The following PRTFDC1 variants were observed in gnomAD, a reference collection of about 807,000 sequenced individuals.
PRTFDC1 encodes the protein phosphoribosyltransferase domain-containing protein 1.
PRTFDC1 carries 38 observed loss-of-function variants against 34.6 expected under a neutral mutation model. The ratio of observed to expected loss-of-function variants is 1.10; its 90% CI spans 0.85 to 1.44. The LOEUF (loss-of-function observed/expected upper bound fraction) is 1.44. PRTFDC1 is among the 40% of genes most tolerant of loss of function. PRTFDC1 has a pLI of 0.00. For missense variants in PRTFDC1, 270 were observed against 283.0 expected (o/e 0.95, Z 0.33); for synonymous variants, 93 against 98.1 (o/e 0.95, Z 0.31).
intron 3 of PRTFDC1, among the ~76,000 whole-genome samples, chr10:24,904,425 G>T (rs899969283): frequency 6.6e-6 from 1 of 152,166 alleles, no homozygotes; most frequent in African/African-American, 2.4e-5. Context: ...AAAGACATCT[G>T]CACAATCATG....
chr10:24,893,333 G>A (rs1848297389), intron 3 of PRTFDC1, among the ~76,000 whole-genome samples: 1 of 151,204 alleles, frequency 6.6e-6, no homozygotes, highest in Non-Finnish European at 1.5e-5. Flanking sequence ...CTGTTGCCTG[G>A]GCAGGAGTGC....
chr10:24,870,117 TA>T (rs1847848810), intron 4 of PRTFDC1, among the ~76,000 whole-genome samples: 2 of 152,150 alleles, frequency 1.3e-5, no homozygotes, highest in African/African-American at 4.8e-5. Flanking sequence ...TTATTATTAT[TA>T]TTTTTTTAAG....
chr10:24,879,447 G>T (rs113640001), intron 3 of PRTFDC1, among the ~76,000 whole-genome samples: 38 of 152,036 alleles, frequency 2.5e-4, no homozygotes, highest in African/African-American at 8.4e-4. Flanking sequence ...GGGATCAAGC[G>T]ATTCTCCTGC....
At position 24,897,731 on chromosome 10, in the gene PRTFDC1, C is replaced by G. The variant is rs192682198; in HGVS notation, c.340-25668G>C. Among the ~76,000 whole-genome samples the G allele has an allele frequency of 3.9e-5, 6 of 152,278 alleles. No homozygotes were observed. In the East Asian group the frequency reaches 9.7e-4, roughly 25 times the overall value. ...TGTTAAAGAAATATAGTGATAATAT[C>G]TAATATGTGGCAACAACGTGAAAAA... On this transcript the variant is annotated intron_variant, in intron 3 of 8. Coordinates refer to ENST00000320152, the MANE Select transcript of PRTFDC1 (RefSeq NM_020200.7).
chr10:24,938,129 G>A (rs1453889950), intron 2 of PRTFDC1, among the ~76,000 whole-genome samples: 1 of 151,848 alleles, frequency 6.6e-6, no homozygotes, highest in Non-Finnish European at 1.5e-5. Flanking sequence ...GGGAAGCTGA[G>A]GCAGGAGAAT....
rs1221212247 is a variant in PRTFDC1, at chr10:24,929,055, AGAAAGAAAGAAAG to A, written c.339+8116_339+8128del. Among the ~76,000 whole-genome samples the A allele has an allele frequency of 2.3e-4, 24 of 105,072 alleles. 1 individual carries two copies. The highest frequency in any genetic ancestry group is 4.1e-4 in the Non-Finnish European group (20 of 48,630). 68.9% of individuals were successfully genotyped at this position (105,072 alleles called of 152,430 possible). On this transcript the variant is annotated intron_variant, in intron 3 of 8. Coordinates refer to ENST00000320152, the MANE Select transcript of PRTFDC1 (RefSeq NM_020200.7). ...GACTCCGTCTCAAAAAAAAAAAAAA[AGAAAGAAAGAAAG>A]AAAGAAAGGGAGGCTTTCAATTCCA...
At position 24,872,044 on chromosome 10, in the gene PRTFDC1, T is replaced by G; in HGVS notation, c.359A>C (p.Glu120Ala). 1 of 1,611,568 alleles carries G rather than the reference T, an allele frequency of 6.2e-7. No individual in the cohort carries two copies. Among genetic ancestry groups the G allele is most frequent in the Non-Finnish European group, 8.5e-7 (1 of 1,177,966 alleles). Residue 120 changes from glutamate (E) to alanine (A), a missense_variant, in exon 4 of 9, where the codon GAG becomes GCG. By Grantham distance (107) the Glu-to-Ala change is moderately radical. Transcript: ENST00000320152. ...KSYRNDQSMGEMQIIGGDDLS... is the reference protein window; with the variant it reads ...KSYRNDQSMGAMQIIGGDDLS... Reference sequence around the variant, plus strand: ...ATCATCGCCTCCGATTATCTGCATCTCACCCATGGACTGGTCATTCTGCAA... The same window carrying G: ...ATCATCGCCTCCGATTATCTGCATCGCACCCATGGACTGGTCATTCTGCAA...
intron 3 of PRTFDC1, among the ~76,000 whole-genome samples, chr10:24,902,012 T>C (rs1848457297): frequency 6.6e-6 from 1 of 151,956 alleles, no homozygotes; most frequent in Non-Finnish European, 1.5e-5. Flanking sequence ...TGTTAGGAGG[T>C]GGTGGAGAAC....
chr10:24,864,425 CTTGTT>C (rs1216691477), intron 4 of PRTFDC1, among the ~76,000 whole-genome samples: 2 of 152,110 alleles, frequency 1.3e-5, no homozygotes, highest in Non-Finnish European at 2.9e-5. Context: ...TCACTGTTGT[CTTGTT>C]TTAAGAAATT....
chr10:24,908,522 G>T (rs1203076040), intron 3 of PRTFDC1: 1 of 1,612,540 alleles, frequency 6.2e-7, no homozygotes, highest in Non-Finnish European at 8.5e-7. Flanking sequence ...CTCTGATCTT[G>T]GTAACTGAAA....
chr10:24,916,054 A>G (rs1028136117), intron 3 of PRTFDC1, among the ~76,000 whole-genome samples: 12 of 152,038 alleles, frequency 7.9e-5, no homozygotes, highest in Admixed American at 2.6e-4. Flanking sequence ...TCTTTTCACA[A>G]TCTTCCCCAT....
chr10:24,920,014 C>T (rs1449680884), intron 3 of PRTFDC1, among the ~76,000 whole-genome samples: 1 of 152,046 alleles, frequency 6.6e-6, no homozygotes, highest in Non-Finnish European at 1.5e-5. Context: ...AAAGCTTTTA[C>T]CCTGTTGGTG....
At chr10:24,859,409 A>G (rs1046015197) in intron 4 of PRTFDC1, among the ~76,000 whole-genome samples, 5 of 152,076 alleles carry the variant, frequency 3.3e-5, no homozygotes, top group African/African-American at 1.2e-4. Context: ...ATAGGTATGC[A>G]CCACCACGCC....
At chr10:24,931,351 C>T (rs1848968354) in intron 3 of PRTFDC1, among the ~76,000 whole-genome samples, 1 of 151,724 alleles carries the variant, frequency 6.6e-6, no homozygotes, top group Admixed American at 6.6e-5. Flanking sequence ...AAATTAACCC[C>T]AAAACAAACA....
At chr10:24,890,685 A>G (rs1848245493) in intron 3 of PRTFDC1, among the ~76,000 whole-genome samples, 1 of 152,196 alleles carries the variant, frequency 6.6e-6, no homozygotes, top group South Asian at 2.1e-4. Flanking sequence ...TCCTTTGCCC[A>G]TAAATTGATT....
chr10:24,888,896 G>C (rs1848215107), intron 3 of PRTFDC1, among the ~76,000 whole-genome samples: 1 of 152,160 alleles, frequency 6.6e-6, no homozygotes, highest in Non-Finnish European at 1.5e-5. Flanking sequence ...TGATCAGCTG[G>C]AATAATTGAC....
chr10:24,869,379 T>C (rs1450983723), intron 4 of PRTFDC1, among the ~76,000 whole-genome samples: 2 of 152,188 alleles, frequency 1.3e-5, no homozygotes, highest in African/African-American at 4.8e-5. Context: ...AGGGCTGTAA[T>C]GGGCATTTAA....
intron 3 of PRTFDC1, among the ~76,000 whole-genome samples, chr10:24,921,455 C>T (rs1848786483): frequency 6.6e-6 from 1 of 152,130 alleles, no homozygotes; most frequent in South Asian, 2.1e-4. Context: ...GGAGTCATTC[C>T]AGGCCTCGAT....
rs1847705729 is a variant in PRTFDC1, at chr10:24,862,859, T to A, written c.406-4450A>T. 2.0e-5 allele frequency among the ~76,000 whole-genome samples: 3 copies of A among 152,106 alleles called. No individual in the cohort carries two copies. In the South Asian group the frequency reaches 6.2e-4, roughly 31 times the overall value. ...GGTTATGGTGATCTGGGATCAGCGA[T>A]CTTTAATGTACTATTTGTTTTTATT... On this transcript the variant is annotated intron_variant, in intron 4 of 8. Coordinates refer to ENST00000320152, the MANE Select transcript of PRTFDC1 (RefSeq NM_020200.7).
Sources: allele counts gnomAD v4.1 joint callset (sites outside exome capture counted in the v4.1 genomes callset), GRCh38; gene constraint gnomAD v4.1.1; transcripts MANE v1.5; gene names NCBI Gene and HGNC (gene_info 2026-07-23, HGNC 2026-07-21).